The following CAMK2A variants were observed in gnomAD, a reference collection of about 807,000 sequenced individuals.
CAMK2A encodes calcium/calmodulin dependent protein kinase II alpha.
In CAMK2A, 7 loss-of-function variants were observed where a neutral mutation model predicts 79.2. The observed-to-expected ratio is 0.09, with a 90% CI of 0.05 to 0.17. CAMK2A has a LOEUF of 0.17. CAMK2A is among the 10% of genes least tolerant of loss of function. The pLI is 1.00. For missense variants in CAMK2A, 214 were observed against 646.4 expected, an observed-to-expected ratio of 0.33 and a Z score of 7.25; for synonymous variants, 242 against 251.7, an observed-to-expected ratio of 0.96 and a Z score of 0.36.
intron 6 of CAMK2A, among the ~76,000 whole-genome samples, chr5:150,253,879 A>AGCAGCG (rs1379770726): frequency 2.1e-5 from 3 of 144,398 alleles, no homozygotes; most frequent in African/African-American, 8.8e-5. Context: ...CAGCAGCAGC[A>AGCAGCG]TTGATTGTGC....
At chr5:150,267,760 T>G (rs916226678) in intron 2 of CAMK2A, among the ~76,000 whole-genome samples, 2 of 152,118 alleles carry the variant, frequency 1.3e-5, no homozygotes, top group Admixed American at 6.5e-5. Flanking sequence ...TGAGGCCTGT[T>G]GACAAAGGAA....
At chr5:150,283,343 T>A (rs560510586) in intron 1 of CAMK2A, among the ~76,000 whole-genome samples, 177 of 152,256 alleles carry the variant, frequency 1.2e-3, no homozygotes, top group African/African-American at 3.4e-3. Flanking sequence ...CCCTCTTCCC[T>A]CTGGTTAACT....
intron 12 of CAMK2A, 197 bp from the exon 13 acceptor site, chr5:150,245,398 G>A (rs1037632834): frequency 3.3e-6 from 2 of 604,084 alleles, no homozygotes. Context: ...CCCAGGGACT[G>A]CCTGGGTTCC....
rs376755486 is a variant in CAMK2A at position 150,250,471 on chromosome 5, C to T, written c.817-162G>A. ...TGCTTCAGGGTGTTTAGCATCCTGGCACCAGACATTCAATGCCAGTAGCAC... is the reference window on the plus strand; with the variant it reads ...TGCTTCAGGGTGTTTAGCATCCTGGTACCAGACATTCAATGCCAGTAGCAC... On this transcript the variant is annotated intron_variant, in intron 10 of 18. Coordinates refer to ENST00000671881, the MANE Select transcript of CAMK2A (RefSeq NM_015981.4). 1.8e-4 allele frequency among the ~76,000 whole-genome samples: 28 copies of T among 152,310 alleles called. No homozygotes were observed. The South Asian group carries it at 5.6e-3, about 30-fold the overall frequency.
At chr5:150,251,923 G>C in intron 8 of CAMK2A, 59 bp downstream of exon 8, 1 of 1,567,300 alleles carries the variant, frequency 6.4e-7, no homozygotes, top group Non-Finnish European at 8.8e-7. Context: ...AAAGGAGAGA[G>C]GGGGCCCCAG....
intron 15 of CAMK2A, among the ~76,000 whole-genome samples, chr5:150,233,674 C>T (rs1562141301): frequency 6.6e-6 from 1 of 152,172 alleles, no homozygotes; most frequent in Non-Finnish European, 1.5e-5. Flanking sequence ...TGCCTGGTAG[C>T]CACTGTCCCT....
intron 1 of CAMK2A, among the ~76,000 whole-genome samples, chr5:150,286,392 C>T (rs555343658): frequency 6.6e-6 from 1 of 152,356 alleles, no homozygotes; most frequent in South Asian, 2.1e-4. Flanking sequence ...TGGAGAAGAG[C>T]AGCTACTCTC....
intron 1 of CAMK2A, among the ~76,000 whole-genome samples, chr5:150,274,848 GT>G: frequency 6.6e-6 from 1 of 152,326 alleles, no homozygotes; most frequent in Admixed American, 6.5e-5. Flanking sequence ...CCATGCCCAG[GT>G]TTTTGACATG....
intron 15 of CAMK2A, among the ~76,000 whole-genome samples, chr5:150,234,314 A>G (rs1463639187): frequency 6.6e-6 from 1 of 152,168 alleles, no homozygotes; most frequent in Non-Finnish European, 1.5e-5. Flanking sequence ...CAGAGAGTCT[A>G]GCACAGTGGC....
rs1181411953 is a variant in CAMK2A at position 150,279,529 on chromosome 5, A to G, written c.63-6370T>C. Among the ~76,000 whole-genome samples, 8 of 152,346 alleles carry G rather than the reference A, an allele frequency of 5.3e-5. No individual in the cohort carries two copies. In the East Asian group the frequency reaches 1.5e-3, roughly 29 times the overall value. ...CCTGGGGTATAGTAAATGCTCAAGG[A>G]ACAATGCCTTGTGTAGGCATCATTA... On this transcript the variant is annotated intron_variant, in intron 1 of 18. Transcript: ENST00000671881.
chr5:150,239,406 A>G (rs2114041517), intron 14 of CAMK2A, among the ~76,000 whole-genome samples: 1 of 152,334 alleles, frequency 6.6e-6, no homozygotes, highest in East Asian at 1.9e-4. Context: ...AGGGGCAGGG[A>G]GAAGCGAGAA....
chr5:150,233,903 C>T (rs1212016220), intron 15 of CAMK2A, among the ~76,000 whole-genome samples: 1 of 152,172 alleles, frequency 6.6e-6, no homozygotes, highest in Non-Finnish European at 1.5e-5. Context: ...ACCTCCCCCT[C>T]GTGGGTTCAA....
chr5:150,259,583 T>C (rs1756215814), intron 3 of CAMK2A, among the ~76,000 whole-genome samples: 1 of 152,216 alleles, frequency 6.6e-6, no homozygotes. Context: ...TATATATTTA[T>C]AAATAATAAC....
chr5:150,224,303 G>A (rs1291987376), intron 17 of CAMK2A, among the ~76,000 whole-genome samples: 6 of 152,100 alleles, frequency 3.9e-5, no homozygotes, highest in East Asian at 3.9e-4. Flanking sequence ...TGTGTAGCCC[G>A]AATATAGGTC....
rs150391303 is a variant in CAMK2A, at chr5:150,233,659, C to G, written c.1067-2279G>C. Among the ~76,000 whole-genome samples the G allele has an allele frequency of 1.2e-3, 185 of 152,280 alleles. 2 individuals carry two copies. Among genetic ancestry groups the G allele is most frequent in the Middle Eastern group, 3.4e-3 (1 of 294 alleles). ...CTTCATCCTGCCCCTTGGACTTGCC[C>G]AAGTTGCCTGGTAGCCACTGTCCCT... On this transcript the variant is annotated intron_variant, in intron 15 of 18. Transcript: ENST00000671881.
intron 1 of CAMK2A, among the ~76,000 whole-genome samples, chr5:150,275,381 G>GTT (rs148795877): frequency 6.6e-6 from 1 of 151,838 alleles, no homozygotes; most frequent in Non-Finnish European, 1.5e-5. Flanking sequence ...CTATGAAGGG[G>GTT]TTTTTTTTCA....
intron 16 of CAMK2A, among the ~76,000 whole-genome samples, chr5:150,228,779 G>A (rs995707311): frequency 6.6e-6 from 1 of 152,158 alleles, no homozygotes; most frequent in Non-Finnish European, 1.5e-5. Flanking sequence ...TACCTGGAAG[G>A]GGCGAGTTTT....
rs1754233543 is a variant in CAMK2A, at chr5:150,220,125, A to G, written c.*2585T>C. The G allele has an allele frequency of 6.6e-6, 1 of 152,542 alleles. No homozygotes were observed. Among genetic ancestry groups the G allele is most frequent in the Non-Finnish European group, 1.5e-5 (1 of 68,054 alleles). 9.4% of individuals were successfully genotyped at this position (152,542 alleles called of 1,614,324 possible). ...TGGCACTTGGAGAGTGACACAGTGG[A>G]CAGGAGGTGTGTCAGCCAATGAAAG... On this transcript the variant is annotated 3_prime_UTR_variant, in exon 19 of 19. Coordinates refer to ENST00000671881, the MANE Select transcript of CAMK2A (RefSeq NM_015981.4).
At position 150,271,437 on chromosome 5, in the gene CAMK2A, T is replaced by A. The variant is rs537269528; in HGVS notation, c.157+1628A>T. 2.0e-4 allele frequency among the ~76,000 whole-genome samples: 30 copies of A among 152,284 alleles called. No individual in the cohort carries two copies. The South Asian group carries it at 6.2e-3, about 32-fold the overall frequency. ...AAAGGCAGCAACACACAGTCCAACA[T>A]GAGGCCTGCCGGGAGGCCTGCGGGG... On this transcript the variant is annotated intron_variant, in intron 2 of 18. Transcript: ENST00000671881.
Sources: allele counts gnomAD v4.1 joint callset (sites outside exome capture counted in the v4.1 genomes callset), GRCh38; gene constraint gnomAD v4.1.1; transcripts MANE v1.5; gene names NCBI Gene and HGNC (gene_info 2026-07-23, HGNC 2026-07-21).